Variants in CDH4 observed in about 807,000 individuals in gnomAD.
The protein encoded by CDH4 is cadherin-4.
In CDH4, 33 loss-of-function variants were observed where a neutral mutation model predicts 86.0. That is an observed-to-expected ratio of 0.38 (90% CI 0.29 to 0.51). The LOEUF (loss-of-function observed/expected upper bound fraction) is 0.51. CDH4 is among the 20% of genes least tolerant of loss of function. The pLI, the probability that CDH4 is intolerant of heterozygous loss-of-function variation, is 0.86. For missense variants in CDH4, 1,114 were observed against 1,307.4 expected (o/e 0.85, Z 2.28); for synonymous variants, 555 against 549.4 (o/e 1.01, Z -0.14).
At chr20:61,421,052 G>A (rs2085175201) in intron 2 of CDH4, among the ~76,000 whole-genome samples, 1 of 152,254 alleles carries the variant, frequency 6.6e-6, no homozygotes, top group African/African-American at 2.4e-5. Flanking sequence ...ATGAGTGGCA[G>A]CTTCCATATG....
chr20:61,380,786 T>C (rs183318943), intron 2 of CDH4, among the ~76,000 whole-genome samples: 2 of 152,336 alleles, frequency 1.3e-5, no homozygotes, highest in African/African-American at 4.8e-5. Flanking sequence ...GTGGGACTTA[T>C]TGCAGCTTCG....
intron 6 of CDH4, among the ~76,000 whole-genome samples, chr20:61,856,659 C>A (rs1258459778): frequency 6.6e-6 from 1 of 152,120 alleles, no homozygotes; most frequent in Non-Finnish European, 1.5e-5. Context: ...CCACGAGGGT[C>A]CTGTGTGCAC....
At chr20:61,724,401 G>A (rs763280102) in intron 2 of CDH4, among the ~76,000 whole-genome samples, 1 of 152,186 alleles carries the variant, frequency 6.6e-6, no homozygotes, top group Non-Finnish European at 1.5e-5. Flanking sequence ...CCCTCACTTA[G>A]AAAACTCTGG....
At chr20:61,666,533 A>T (rs1159457917) in intron 2 of CDH4, among the ~76,000 whole-genome samples, 3 of 152,170 alleles carry the variant, frequency 2.0e-5, no homozygotes, top group Non-Finnish European at 2.9e-5. Flanking sequence ...GGCATGGCTG[A>T]TGCTGGCCGA....
rs143516932 is a variant in CDH4, at chr20:61,635,101, G to A, written c.170-108462G>A. On this transcript the variant is annotated intron_variant, in intron 2 of 15. Transcript: ENST00000614565. ...TGATGTGAACGGTGCTGCTGTGAGC[G>A]TGGGGTGCAGACCTCTCTTCGGGTC... is the stretch of plus-strand genomic sequence containing the variant. 3.6e-3 allele frequency among the ~76,000 whole-genome samples: 545 copies of A among 152,252 alleles called. 1 individual carries two copies. The highest frequency in any genetic ancestry group is 6.3e-3 in the Non-Finnish European group (427 of 68,022).
intron 2 of CDH4, among the ~76,000 whole-genome samples, chr20:61,467,087 T>A (rs2085476537): frequency 6.6e-6 from 1 of 152,214 alleles, no homozygotes; most frequent in African/African-American, 2.4e-5. Context: ...CAAACATTAT[T>A]TCAGTTAGTT....
intron 6 of CDH4, among the ~76,000 whole-genome samples, chr20:61,862,364 G>A (rs1983368203): frequency 1.3e-5 from 2 of 152,336 alleles, no homozygotes; most frequent in East Asian, 3.9e-4. Flanking sequence ...ACGTGTCCCA[G>A]CACTAGCTCC....
intron 2 of CDH4, among the ~76,000 whole-genome samples, chr20:61,297,756 C>T (rs894295052): frequency 5.9e-5 from 9 of 152,380 alleles, no homozygotes; most frequent in East Asian, 5.8e-4. Context: ...GAGACATTAG[C>T]GCGTGTCAGC....
intron 11 of CDH4, among the ~76,000 whole-genome samples, chr20:61,926,951 C>G (rs938627889): frequency 6.6e-6 from 1 of 151,760 alleles, no homozygotes; most frequent in South Asian, 2.1e-4. Flanking sequence ...TGGCAGACGC[C>G]GTGTGAGGGA....
At chr20:61,402,375 G>A (rs2085054285) in intron 2 of CDH4, among the ~76,000 whole-genome samples, 2 of 152,130 alleles carry the variant, frequency 1.3e-5, no homozygotes, top group African/African-American at 4.8e-5. Context: ...GTCTGTACAT[G>A]TTCAGTACAG....
intron 11 of CDH4, among the ~76,000 whole-genome samples, chr20:61,926,935 C>T (rs2055051154): frequency 6.6e-6 from 1 of 152,196 alleles, no homozygotes; most frequent in African/African-American, 2.4e-5. Context: ...GAGCGTCCAT[C>T]GCACGTGGCA....
intron 2 of CDH4, among the ~76,000 whole-genome samples, chr20:61,258,329 CAA>C (rs778048684): frequency 1.6e-5 from 1 of 62,350 alleles, no homozygotes; most frequent in African/African-American, 7.3e-5. Context: ...GACTCCGTCT[CAA>C]AAAAAAAAAA....
In CDH4 at chr20:61,709,119, G is replaced by T. The variant is rs747740511; in HGVS notation, c.170-34444G>T. Among the ~76,000 whole-genome samples, 42 of 152,150 alleles carry T rather than the reference G, an allele frequency of 2.8e-4. No individual in the cohort carries two copies. Among genetic ancestry groups the T allele is most frequent in the Admixed American group, 2.0e-3 (30 of 15,264 alleles). On this transcript the variant is annotated intron_variant, in intron 2 of 15. Transcript: ENST00000614565. The surrounding 1 kb of genome is among the most constrained non-coding windows in gnomAD (Gnocchi z 4.8). ...CACCCCAAAGCCTCGGGTCCCAGTG[G>T]CGTAGCGGCCGCCCAAATGATGAGC...
At chr20:61,643,561 G>C (rs898370427) in intron 2 of CDH4, among the ~76,000 whole-genome samples, 1 of 152,238 alleles carries the variant, frequency 6.6e-6, no homozygotes, top group African/African-American at 2.4e-5. Context: ...AGAGGTGCAT[G>C]TCCCATCTCT....
chr20:61,682,450 G>C (rs1237616706), intron 2 of CDH4, among the ~76,000 whole-genome samples: 1 of 147,632 alleles, frequency 6.8e-6, no homozygotes, highest in Non-Finnish European at 1.5e-5. Flanking sequence ...GTGGGAGAAG[G>C]GGAGGGAGGG....
chr20:61,611,436 T>A (rs1317995701), intron 2 of CDH4, among the ~76,000 whole-genome samples: 1 of 151,956 alleles, frequency 6.6e-6, no homozygotes, highest in African/African-American at 2.4e-5. Context: ...GGATCTGCCA[T>A]GGGATGAGGT....
intron 3 of CDH4, among the ~76,000 whole-genome samples, chr20:61,758,907 G>C (rs1189068762): frequency 6.6e-6 from 1 of 152,198 alleles, no homozygotes; most frequent in Non-Finnish European, 1.5e-5. Flanking sequence ...CTCGACTAGA[G>C]CTGGTGTGTG....
chr20:61,620,709 C>T, intron 2 of CDH4, among the ~76,000 whole-genome samples: 1 of 152,188 alleles, frequency 6.6e-6, no homozygotes, highest in East Asian at 1.9e-4. Context: ...CAACATCTTT[C>T]CCTTTAGGCT....
In CDH4 at chr20:61,709,762, A is replaced by G. The variant is rs979074680; in HGVS notation, c.170-33801A>G. 1.3e-5 allele frequency among the ~76,000 whole-genome samples: 2 copies of G among 152,136 alleles called. No homozygotes were observed. The highest frequency in any genetic ancestry group is 4.8e-5 in the African/African-American group (2 of 41,416). On this transcript the variant is annotated intron_variant, in intron 2 of 15. Coordinates refer to ENST00000614565, the MANE Select transcript of CDH4 (RefSeq NM_001794.5). The surrounding 1 kb of genome is among the most constrained non-coding windows in gnomAD (Gnocchi z 4.8). Reference sequence around the variant, plus strand: ...TCCCCTGGTCCTCACGAAGCCCAAAATAGCAGGATGGAGCGGGAGGTAGAG... The same window carrying G: ...TCCCCTGGTCCTCACGAAGCCCAAAGTAGCAGGATGGAGCGGGAGGTAGAG...
Sources: gnomAD v4.1 joint callset for allele counts (sites outside exome capture counted in the v4.1 genomes callset) on GRCh38, gnomAD v4.1.1 for gene constraint, Gnocchi (gnomAD v3.1) non-coding constraint, MANE v1.5 for transcripts, NCBI Gene and HGNC (gene_info 2026-07-23, HGNC 2026-07-21) for gene names.